The following PCCA variants were observed in gnomAD, a reference collection of about 807,000 sequenced individuals.
PCCA encodes propionyl-CoA carboxylase alpha chain, mitochondrial.
Under a neutral mutation model 101.3 loss-of-function variants are expected in PCCA, and 74 were observed. That is an observed-to-expected ratio of 0.73 (90% CI 0.61 to 0.89). PCCA has a LOEUF of 0.89. Ranked by LOEUF, PCCA falls within the 40% of genes least tolerant of loss-of-function variation. The pLI is 0.00. For missense variants in PCCA, 891 were observed against 907.0 expected, an observed-to-expected ratio of 0.98 and a Z score of 0.23; for synonymous variants, 294 against 313.6, an observed-to-expected ratio of 0.94 and a Z score of 0.66.
intron 21 of PCCA, among the ~76,000 whole-genome samples, chr13:100,514,491 C>T (rs2086692194): frequency 6.6e-6 from 1 of 152,162 alleles, no homozygotes. Flanking sequence ...GAAATCAGAC[C>T]TGGTAGGGAT....
chr13:100,353,205 A>G (rs1255283190), intron 18 of PCCA, among the ~76,000 whole-genome samples: 1 of 152,232 alleles, frequency 6.6e-6, no homozygotes, highest in Non-Finnish European at 1.5e-5. Context: ...TGAAAAATGG[A>G]TAGAACAACT....
intron 8 of PCCA, among the ~76,000 whole-genome samples, chr13:100,244,959 G>GTGTC (rs1340948641): frequency 8.8e-5 from 12 of 136,658 alleles, no homozygotes; most frequent in African/African-American, 3.3e-4. Flanking sequence ...GTGTGTGTGT[G>GTGTC]TGTGTGCGCA....
At chr13:100,360,839 A>G (rs2152800422) in intron 18 of PCCA, among the ~76,000 whole-genome samples, 1 of 152,338 alleles carries the variant, frequency 6.6e-6, no homozygotes, top group East Asian at 1.9e-4. Flanking sequence ...ACATAGGCAC[A>G]CACTAAAACC....
chr13:100,419,471 C>CAAA (rs56795912), intron 19 of PCCA, among the ~76,000 whole-genome samples: 2 of 112,900 alleles, frequency 1.8e-5, no homozygotes, highest in Admixed American at 9.7e-5. Flanking sequence ...GACTTTGTCT[C>CAAA]AAAAAAAAAA....
chr13:100,314,229 A>G (rs544621895), intron 16 of PCCA, among the ~76,000 whole-genome samples: 1 of 152,334 alleles, frequency 6.6e-6, no homozygotes, highest in South Asian at 2.1e-4. Flanking sequence ...TATAAAGGGT[A>G]CAGCTTGAGA....
chr13:100,136,875 A>G (rs982614649), intron 4 of PCCA, among the ~76,000 whole-genome samples: 15 of 150,514 alleles, frequency 1.0e-4, no homozygotes, highest in African/African-American at 3.4e-4. Flanking sequence ...TTTTTTCTCT[A>G]TTTTCTCTTT....
intron 21 of PCCA, among the ~76,000 whole-genome samples, chr13:100,452,164 T>C (rs1023595802): frequency 7.9e-5 from 11 of 138,782 alleles, no homozygotes; most frequent in Admixed American, 6.6e-4. Flanking sequence ...CCTCTCTCCT[T>C]CTCTTTTTTC....
intron 19 of PCCA, among the ~76,000 whole-genome samples, chr13:100,416,154 G>A (rs1470675988): frequency 2.0e-5 from 3 of 152,046 alleles, no homozygotes; most frequent in Non-Finnish European, 4.4e-5. Context: ...TATGACATGT[G>A]GGGAGATGCC....
intron 2 of PCCA, among the ~76,000 whole-genome samples, chr13:100,105,551 A>G (rs1030472238): frequency 6.6e-6 from 1 of 150,610 alleles, no homozygotes; most frequent in Non-Finnish European, 1.5e-5. Flanking sequence ...GCTATCAGCC[A>G]GGTGTGATGG....
chr13:100,448,426 C>T (rs543778024), intron 20 of PCCA, among the ~76,000 whole-genome samples: 32 of 152,226 alleles, frequency 2.1e-4, no homozygotes, highest in Middle Eastern at 6.8e-3. Flanking sequence ...TTCCTCACCT[C>T]GTGATCCGCC....
At chr13:100,234,837 CA>C (rs1356892975) in intron 7 of PCCA, among the ~76,000 whole-genome samples, 1 of 151,796 alleles carries the variant, frequency 6.6e-6, no homozygotes, top group Non-Finnish European at 1.5e-5. Context: ...GCTGTGGTTT[CA>C]AAACAATATT....
rs548003852 is a variant in PCCA, at chr13:100,206,523, G to T, written c.469-2809G>T. ...GATCTGCCTGCCTTGGCCTCCCAAA[G>T]TGCTGGGATTACAGGTGTGAGCCAC... On this transcript the variant is annotated intron_variant, in intron 6 of 23. Coordinates refer to ENST00000376285, the MANE Select transcript of PCCA (RefSeq NM_000282.4). 3.3e-5 allele frequency among the ~76,000 whole-genome samples: 5 copies of T among 152,270 alleles called. No homozygotes were observed. In the South Asian group the frequency reaches 6.2e-4, roughly 19 times the overall value.
chr13:100,410,166 T>C (rs1013865319), intron 19 of PCCA, among the ~76,000 whole-genome samples: 1 of 152,250 alleles, frequency 6.6e-6, no homozygotes, highest in African/African-American at 2.4e-5. Flanking sequence ...AAAACGTGAC[T>C]GTCCAAATAG....
At chr13:100,405,115 C>G (rs1263098748) in intron 19 of PCCA, among the ~76,000 whole-genome samples, 1 of 152,190 alleles carries the variant, frequency 6.6e-6, no homozygotes, top group Non-Finnish European at 1.5e-5. Flanking sequence ...TTGTGACACA[C>G]CCAGATAACT....
rs1193968517 is a variant in PCCA, at chr13:100,392,202, G to T, written c.1746+23628G>T. ...TTGGGGGCAGGGTAGAGGAGTTGGGGAAGGAAGGAAGGAAGGAAGAGAGAG... is the reference window on the plus strand; with the variant it reads ...TTGGGGGCAGGGTAGAGGAGTTGGGTAAGGAAGGAAGGAAGGAAGAGAGAG... On this transcript the variant is annotated intron_variant, in intron 19 of 23. Coordinates refer to ENST00000376285, the MANE Select transcript of PCCA (RefSeq NM_000282.4). Among the ~76,000 whole-genome samples, 4 of 151,858 alleles carry T rather than the reference G, an allele frequency of 2.6e-5. No individual in the cohort carries two copies. In the East Asian group the frequency reaches 7.7e-4, roughly 29 times the overall value.
chr13:100,458,785 A>T (rs2081978483), intron 21 of PCCA, among the ~76,000 whole-genome samples: 1 of 152,174 alleles, frequency 6.6e-6, no homozygotes. Flanking sequence ...CTGGGTGTAC[A>T]TACAAGTACT....
rs993565258 is a variant in PCCA, at chr13:100,449,159, G to T, written c.1846-93G>T. The T allele has an allele frequency of 8.5e-6, 6 of 706,614 alleles. No homozygotes were observed. In the South Asian group the frequency reaches 1.1e-4, roughly 13 times the overall value. 43.8% of individuals were successfully genotyped at this position (706,614 alleles called of 1,614,324 possible). A position where few individuals can be genotyped will look rare whatever the true frequency, so the allele number is the denominator to read the frequency against. On this transcript the variant is annotated intron_variant, in intron 20 of 23. Coordinates refer to ENST00000376285, the MANE Select transcript of PCCA (RefSeq NM_000282.4). ...CTATATTTTGTTTACCCATCCATCA[G>T]TTGATGGACATTTGGGTTTTTTGGC...
At chr13:100,198,823 G>A (rs928794835) in intron 6 of PCCA, among the ~76,000 whole-genome samples, 1 of 151,904 alleles carries the variant, frequency 6.6e-6, no homozygotes, top group African/African-American at 2.4e-5. Flanking sequence ...TTAACCTTTA[G>A]TGCTAAGTAA....
At chr13:100,203,860 G>A (rs1187590852) in intron 6 of PCCA, among the ~76,000 whole-genome samples, 3 of 152,142 alleles carry the variant, frequency 2.0e-5, no homozygotes, top group Non-Finnish European at 4.4e-5. Context: ...GGTTTATTCT[G>A]AGGTCTTGAA....
Sources: allele counts gnomAD v4.1 joint callset (sites outside exome capture counted in the v4.1 genomes callset), GRCh38; gene constraint gnomAD v4.1.1; transcripts MANE v1.5; gene names NCBI Gene and HGNC (gene_info 2026-07-23, HGNC 2026-07-21).